LRRC7: variants seen among roughly 807,000 people sequenced by gnomAD.
LRRC7 encodes leucine-rich repeat-containing protein 7.
LRRC7 carries 23 observed loss-of-function variants against 175.7 expected under a neutral mutation model. That is an observed-to-expected ratio of 0.13 (90% CI 0.09 to 0.19). The LOEUF (loss-of-function observed/expected upper bound fraction) is 0.19. Ranked by LOEUF, LRRC7 falls within the 10% of genes least tolerant of loss-of-function variation. The probability of loss-of-function intolerance (pLI) is 1.00; values close to 1 mark genes in which losing one functional copy is unlikely to be tolerated. For synonymous variants in LRRC7, 685 were observed against 680.9 expected, an observed-to-expected ratio of 1.01 and a Z score of -0.09; for missense variants, 1,354 against 1,904.7, an observed-to-expected ratio of 0.71 and a Z score of 5.38.
At chr1:69,780,499 A>C (rs1406216716) in intron 3 of LRRC7, among the ~76,000 whole-genome samples, 1 of 152,162 alleles carries the variant, frequency 6.6e-6, no homozygotes, top group Non-Finnish European at 1.5e-5. Context: ...GGGAGGAAGA[A>C]AGGGAAAAGG....
intron 7 of LRRC7, among the ~76,000 whole-genome samples, chr1:69,927,603 C>T (rs1269759959): frequency 1.3e-5 from 2 of 152,166 alleles, no homozygotes; most frequent in Non-Finnish European, 2.9e-5. Context: ...ATTGCATCGG[C>T]TCTTGAGGCT....
At chr1:69,761,776 G>C (rs1671065080) in intron 3 of LRRC7, among the ~76,000 whole-genome samples, 1 of 151,972 alleles carries the variant, frequency 6.6e-6, no homozygotes, top group African/African-American at 2.4e-5. Context: ...TACATGGGCA[G>C]GCATGATGAA....
At chr1:69,827,647 T>C (rs978181325) in intron 5 of LRRC7, among the ~76,000 whole-genome samples, 3 of 152,034 alleles carry the variant, frequency 2.0e-5, no homozygotes, top group Non-Finnish European at 4.4e-5. Context: ...AGATTGGCCC[T>C]GGCAACATGG....
intron 4 of LRRC7, among the ~76,000 whole-genome samples, chr1:69,807,799 A>G (rs994859721): frequency 6.6e-6 from 1 of 151,886 alleles, no homozygotes; most frequent in African/African-American, 2.4e-5. Context: ...CTCGAGGAGT[A>G]TCTTTGTGGT....
intron 1 of LRRC7, among the ~76,000 whole-genome samples, chr1:69,630,785 C>T (rs1282085691): frequency 3.3e-5 from 5 of 151,492 alleles, no homozygotes; most frequent in Admixed American, 3.3e-4. Context: ...GCTTGATATA[C>T]CAAATAAAGT....
At chr1:70,021,760 T>C (rs960531440) in intron 16 of LRRC7, among the ~76,000 whole-genome samples, 1 of 152,204 alleles carries the variant, frequency 6.6e-6, no homozygotes, top group Non-Finnish European at 1.5e-5. Context: ...AGTAACAAGA[T>C]TGAATTTTAA....
chr1:69,969,956 T>C (rs556952341), intron 8 of LRRC7, among the ~76,000 whole-genome samples: 1 of 152,246 alleles, frequency 6.6e-6, no homozygotes, highest in South Asian at 2.1e-4. Flanking sequence ...GGAATTAAAC[T>C]GGAAATCAAC....
intron 23 of LRRC7, among the ~76,000 whole-genome samples, chr1:70,075,724 G>A (rs927461176): frequency 1.1e-4 from 17 of 151,988 alleles, no homozygotes; most frequent in Admixed American, 6.6e-5. Flanking sequence ...TAACTCTCTG[G>A]TATATTTCAA....
intron 1 of LRRC7, among the ~76,000 whole-genome samples, chr1:69,638,561 C>T (rs1191635985): frequency 6.6e-6 from 1 of 151,690 alleles, no homozygotes; most frequent in Admixed American, 6.6e-5. Flanking sequence ...TTGTAGTCTG[C>T]TTGCAAGTTA....
intron 24 of LRRC7, among the ~76,000 whole-genome samples, chr1:70,084,737 C>G (rs1264142491): frequency 1.3e-4 from 20 of 152,154 alleles, no homozygotes; most frequent in Non-Finnish European, 1.5e-5. Context: ...AAATTCTTTT[C>G]TAAAAGTGGT....
At chr1:70,056,882 G>A (rs1007851202) in intron 23 of LRRC7, among the ~76,000 whole-genome samples, 3 of 151,966 alleles carry the variant, frequency 2.0e-5, no homozygotes, top group East Asian at 1.9e-4. Flanking sequence ...AGGAGGGAAC[G>A]GTCAACTGTC....
At chr1:70,011,450 T>A (rs2101951183) in intron 11 of LRRC7, among the ~76,000 whole-genome samples, 1 of 152,186 alleles carries the variant, frequency 6.6e-6, no homozygotes, top group South Asian at 2.1e-4. Flanking sequence ...TCTCCACCCT[T>A]CTCCTTACCC....
chr1:69,884,514 G>C (rs541168301), intron 7 of LRRC7, among the ~76,000 whole-genome samples: 1 of 134,866 alleles, frequency 7.4e-6, no homozygotes, highest in Non-Finnish European at 1.5e-5. Flanking sequence ...GGCGATTTTG[G>C]GCTGAGACAA....
chr1:69,928,187 G>A (rs889039281), intron 7 of LRRC7, among the ~76,000 whole-genome samples: 2 of 152,082 alleles, frequency 1.3e-5, no homozygotes, highest in Middle Eastern at 3.4e-3. Context: ...AGGAGTACCC[G>A]GCCGTGTGAG....
chr1:69,938,995 TTATA>T (rs71583104), intron 8 of LRRC7, among the ~76,000 whole-genome samples: 1 of 97,576 alleles, frequency 1.0e-5, no homozygotes. Flanking sequence ...AGGCTGTAGA[TTATA>T]TATATATATA....
At chr1:70,045,533 A>G (rs1488894278) in intron 22 of LRRC7, among the ~76,000 whole-genome samples, 1 of 152,152 alleles carries the variant, frequency 6.6e-6, no homozygotes, top group Non-Finnish European at 1.5e-5. Flanking sequence ...CTTCCCTAAA[A>G]CAAAACCAGT....
intron 4 of LRRC7, among the ~76,000 whole-genome samples, chr1:69,798,644 G>A (rs934450209): frequency 2.0e-5 from 3 of 152,048 alleles, no homozygotes; most frequent in African/African-American, 7.2e-5. Context: ...TACTTTAGGG[G>A]TTTTATTAGT....
chr1:69,964,555 T>C (rs1204914754), intron 8 of LRRC7, among the ~76,000 whole-genome samples: 1 of 152,338 alleles, frequency 6.6e-6, no homozygotes, highest in East Asian at 1.9e-4. Context: ...TAGATTTTTT[T>C]GTTGTTATTG....
chr1:69,734,560 A>G (rs974397774), intron 2 of LRRC7, among the ~76,000 whole-genome samples: 10 of 151,948 alleles, frequency 6.6e-5, no homozygotes, highest in African/African-American at 2.2e-4. Context: ...AGTGCATTCT[A>G]TATTTGTTTA....
Sources: allele counts gnomAD v4.1 joint callset (sites outside exome capture counted in the v4.1 genomes callset), GRCh38; gene constraint gnomAD v4.1.1; transcripts MANE v1.5; gene names NCBI Gene and HGNC (gene_info 2026-07-23, HGNC 2026-07-21).